MDM4: variants seen among roughly 807,000 people sequenced by gnomAD.
MDM4 encodes the protein protein Mdm4.
Under a neutral mutation model 60.2 loss-of-function variants are expected in MDM4, and 2 were observed. The ratio of observed to expected loss-of-function variants is 0.03; its 90% CI spans 0.01 to 0.10. The LOEUF (loss-of-function observed/expected upper bound fraction) is 0.10. Ranked by LOEUF, MDM4 falls within the 10% of genes least tolerant of loss-of-function variation. MDM4 has a pLI of 1.00. For missense variants in MDM4, 447 were observed against 577.5 expected (o/e 0.77, Z 2.32); for synonymous variants, 202 against 198.1 (o/e 1.02, Z -0.17).
chr1:204,525,277 T>C (rs1283368514), intron 1 of MDM4: 18 of 966,554 alleles, frequency 1.9e-5, no homozygotes, highest in Non-Finnish European at 2.2e-5. Context: ...GAGAGAAGCT[T>C]GGACGATTCT....
chr1:204,538,887 T>TTG (rs71568036), intron 7 of MDM4, among the ~76,000 whole-genome samples: 2 of 149,266 alleles, frequency 1.3e-5, no homozygotes, highest in Non-Finnish European at 3.0e-5. Flanking sequence ...TTTTTTTTTT[T>TTG]GAGACGGAGT....
chr1:204,553,332 CT>C lies in MDM4; in HGVS notation c.*3654del. 4.6e-6 allele frequency: 1 copy of C among 219,666 alleles called. No individual in the cohort carries two copies. Among genetic ancestry groups the C allele is most frequent in the Non-Finnish European group, 9.2e-6 (1 of 109,246 alleles). The allele number at this position is 219,666 out of a possible 1,614,324, so 13.6% of individuals were successfully genotyped here. A position where few individuals can be genotyped will look rare whatever the true frequency, so the allele number is the denominator to read the frequency against. ...GAAACTTCCAAATACTGACATTTAC[CT>C]TTTAGCTGTAGTTATTGGGACCATG... On this transcript the variant is annotated 3_prime_UTR_variant, in exon 11 of 11. Transcript: ENST00000367182.
chr1:204,529,124 G>A, intron 3 of MDM4: 1 of 1,137,066 alleles, frequency 8.8e-7, no homozygotes. Flanking sequence ...AGTCATAACT[G>A]CTGGAAGAGC....
intron 1 of MDM4, among the ~76,000 whole-genome samples, chr1:204,520,646 T>C (rs188294780): frequency 1.3e-5 from 2 of 152,012 alleles, no homozygotes; most frequent in African/African-American, 2.4e-5. Context: ...ACACTTTCGT[T>C]GAGAGAATCA....
chr1:204,531,530 T>TA (rs959490128), intron 4 of MDM4, among the ~76,000 whole-genome samples: 4 of 152,228 alleles, frequency 2.6e-5, no homozygotes, highest in African/African-American at 9.6e-5. Flanking sequence ...CATTCTGTCT[T>TA]ACACTAAGAC....
Position 204,542,777 on chromosome 1 carries a change from T to C in MDM4, c.512-7T>C, listed in dbSNP as rs753503161. 2 of 1,603,200 alleles carry C rather than the reference T, an allele frequency of 1.2e-6. No homozygotes were observed. Among genetic ancestry groups the C allele is most frequent in the East Asian group, 4.5e-5 (2 of 44,784 alleles). On this transcript the variant is annotated splice_region_variant and splice_polypyrimidine_tract_variant and intron_variant, in intron 7 of 10. Transcript: ENST00000367182. ...TAGTTATCATTCTTTTCATTTGACT[T>C]CTATAGATGAAGACTTAATTGAAAA...
At chr1:204,520,873 C>G (rs1394743391) in intron 1 of MDM4, among the ~76,000 whole-genome samples, 1 of 151,932 alleles carries the variant, frequency 6.6e-6, no homozygotes, top group Non-Finnish European at 1.5e-5. Context: ...AATACCCTGT[C>G]TCAAAAAAAT....
intron 4 of MDM4, among the ~76,000 whole-genome samples, chr1:204,531,310 G>A (rs879886927): frequency 1.5e-4 from 23 of 152,174 alleles, no homozygotes; most frequent in Admixed American, 4.6e-4. Flanking sequence ...GTTGGAGAGG[G>A]AGGAAGAGTG....
In MDM4 at chr1:204,553,975, C is replaced by A. The variant is rs956284806; in HGVS notation, c.*4293C>A. ...CTGTAATGTAAGATTGAGTCACTGCCAAGCATTTGAAATATGCAGTTGTGT... is the reference window on the plus strand; with the variant it reads ...CTGTAATGTAAGATTGAGTCACTGCAAAGCATTTGAAATATGCAGTTGTGT... On this transcript the variant is annotated 3_prime_UTR_variant, in exon 11 of 11. Coordinates refer to ENST00000367182, the MANE Select transcript of MDM4 (RefSeq NM_002393.5). 12 of 224,810 alleles carry A rather than the reference C, an allele frequency of 5.3e-5. No individual in the cohort carries two copies. Among genetic ancestry groups the A allele is most frequent in the African/African-American group, 2.7e-4 (12 of 44,906 alleles). The allele number at this position is 224,810 out of a possible 1,614,324, so 13.9% of individuals were successfully genotyped here.
intron 1 of MDM4, among the ~76,000 whole-genome samples, chr1:204,524,976 A>T (rs1262421268): frequency 6.6e-6 from 1 of 152,108 alleles, no homozygotes; most frequent in African/African-American, 2.4e-5. Context: ...TGGGGTTGGT[A>T]CATTTACAAG....
chr1:204,529,455 G>A, intron 3 of MDM4: 2 of 1,513,550 alleles, frequency 1.3e-6, no homozygotes, highest in Non-Finnish European at 1.8e-6. Context: ...ACCATCATTT[G>A]GTCCTCCTGG....
intron 9 of MDM4, 149 bp downstream of exon 9, chr1:204,544,833 C>T (rs1292567549): frequency 9.8e-6 from 8 of 815,088 alleles, no homozygotes; most frequent in African/African-American, 1.7e-5. Context: ...TTAAGATTCA[C>T]ATTAAGTAAT....
intron 1 of MDM4, among the ~76,000 whole-genome samples, chr1:204,517,953 G>A (rs1283662205): frequency 6.6e-6 from 1 of 151,700 alleles, no homozygotes; most frequent in South Asian, 2.1e-4. Context: ...CTTGAGTCTC[G>A]GAGTTCGACA....
chr1:204,557,113 A>G lies in MDM4; in HGVS notation c.*7431A>G, dbSNP rs773469462. 6.6e-5 allele frequency: 13 copies of G among 197,690 alleles called. No homozygotes were observed. Among genetic ancestry groups the G allele is most frequent in the Non-Finnish European group, 1.3e-4 (12 of 95,428 alleles). The allele number at this position is 197,690 out of a possible 1,614,324, so 12.2% of individuals were successfully genotyped here. A position where few individuals can be genotyped will look rare whatever the true frequency, so the allele number is the denominator to read the frequency against. ...TTCTGAAGCCTATAAATTTCCTTGA[A>G]GAGATCTAAGAACCTATTATGCTCT... On this transcript the variant is annotated 3_prime_UTR_variant, in exon 11 of 11. Transcript: ENST00000367182.
At chr1:204,548,184 A>ACAGTT (rs1203728717) in intron 10 of MDM4, among the ~76,000 whole-genome samples, 1 of 152,262 alleles carries the variant, frequency 6.6e-6, no homozygotes, top group Non-Finnish European at 1.5e-5. Context: ...GTGGCACACC[A>ACAGTT]TCACTCATGA....
Position 204,550,359 on chromosome 1 carries a change from C to T in MDM4, c.*677C>T, listed in dbSNP as rs945508045. On this transcript the variant is annotated 3_prime_UTR_variant, in exon 11 of 11. Transcript: ENST00000367182. The stretch of plus-strand genomic sequence containing the variant: ...GGCTAATTTTTTGTGGAGATGAAGT[C>T]TCACTATGTTGCCCAGGCTGGTCTC... 1.4e-5 allele frequency: 3 copies of T among 216,658 alleles called. No individual in the cohort carries two copies. The highest frequency in any genetic ancestry group is 1.2e-4 in the Admixed American group (2 of 17,174). 13.4% of individuals were successfully genotyped at this position (216,658 alleles called of 1,614,324 possible). A position where few individuals can be genotyped will look rare whatever the true frequency, so the allele number is the denominator to read the frequency against.
At position 204,549,005 on chromosome 1, in the gene MDM4, G is replaced by A. The variant is rs1662945597; in HGVS notation, c.904-108G>A. ...TGCTCAAATCCTAGGCTAGATCACTGGTGTGGAATAGCTTAGTGAGAGGAT... is the reference window on the plus strand; with the variant it reads ...TGCTCAAATCCTAGGCTAGATCACTAGTGTGGAATAGCTTAGTGAGAGGAT... On this transcript the variant is annotated intron_variant, in intron 10 of 10. Transcript: ENST00000367182. 3 of 714,840 alleles carry A rather than the reference G, an allele frequency of 4.2e-6. No individual in the cohort carries two copies. In the East Asian group the frequency reaches 7.6e-5, roughly 18 times the overall value. 44.3% of individuals were successfully genotyped at this position (714,840 alleles called of 1,614,324 possible).
At position 204,555,217 on chromosome 1, in the gene MDM4, C is replaced by T. The variant is rs928889155; in HGVS notation, c.*5535C>T. 2 of 175,426 alleles carry T rather than the reference C, an allele frequency of 1.1e-5. No individual in the cohort carries two copies. Among genetic ancestry groups the T allele is most frequent in the Non-Finnish European group, 1.2e-5 (1 of 81,820 alleles). 10.9% of individuals were successfully genotyped at this position (175,426 alleles called of 1,614,324 possible). On this transcript the variant is annotated 3_prime_UTR_variant, in exon 11 of 11. Transcript: ENST00000367182. Reference sequence around the variant, plus strand: ...TCGCCCCGGCTGGAGTGCAGTGGCGCGATCTCGGCTCACTGCAACCTCCGC... The same window carrying T: ...TCGCCCCGGCTGGAGTGCAGTGGCGTGATCTCGGCTCACTGCAACCTCCGC...
chr1:204,520,277 CAA>C (rs35340106), intron 1 of MDM4, among the ~76,000 whole-genome samples: 31 of 65,508 alleles, frequency 4.7e-4, no homozygotes, highest in South Asian at 1.8e-3. Flanking sequence ...GACTCCATCT[CAA>C]AAAAAAAAAA....
Sources: gnomAD v4.1 joint callset for allele counts (sites outside exome capture counted in the v4.1 genomes callset) on GRCh38, gnomAD v4.1.1 for gene constraint, MANE v1.5 for transcripts, NCBI Gene and HGNC (gene_info 2026-07-23, HGNC 2026-07-21) for gene names.